UBN2: variants seen among roughly 807,000 people sequenced by gnomAD.
UBN2 encodes ubinuclein-2.
A neutral mutation model predicts 120.2 loss-of-function variants in UBN2; 35 were observed. The observed-to-expected ratio is 0.29, with a 90% CI of 0.22 to 0.39. The LOEUF (loss-of-function observed/expected upper bound fraction) is 0.39. Among genes scored for constraint, UBN2 ranks in the 10% least tolerant of loss-of-function variants. The pLI is 1.00. For synonymous variants in UBN2, 661 were observed against 648.7 expected, an observed-to-expected ratio of 1.02 and a Z score of -0.29; for missense variants, 1,693 against 1,663.2, an observed-to-expected ratio of 1.02 and a Z score of -0.31.
chr7:139,243,133 T>TA (rs1796368893), intron 2 of UBN2, among the ~76,000 whole-genome samples: 1 of 152,202 alleles, frequency 6.6e-6, no homozygotes, highest in African/African-American at 2.4e-5. Flanking sequence ...AGTTGAGTGT[T>TA]ACACTGTAAT....
chr7:139,259,268 T>A lies in UBN2; in HGVS notation c.803T>A (p.Val268Asp), dbSNP rs988302075. Residue 268 changes from valine to aspartate, a missense_variant and splice_region_variant, in exon 5 of 18, where the codon GTC becomes GAC. By Grantham distance (152) the Val-to-Asp change is radical (BLOSUM62 -3). Transcript: ENST00000473989. ...TDNQKHKPPK[V>D]PKIKEDDIEM... The stretch of plus-strand genomic sequence containing the variant: ...GATCATTCTTTTATCATTTTGCAGG[T>A]CCCCAAAATAAAAGAAGATGATATT... 7 of 1,612,030 alleles carry A rather than the reference T, an allele frequency of 4.3e-6. No homozygotes were observed. In the East Asian group the frequency reaches 1.6e-4, roughly 36 times the overall value.
the UBN2 span, among the ~76,000 whole-genome samples, chr7:139,324,205 T>A: frequency 6.6e-6 from 1 of 152,104 alleles, no homozygotes; most frequent in Admixed American, 6.6e-5. Context: ...TTGAAAAAAA[T>A]GGAGATCCTT....
At position 139,272,386 on chromosome 7, in the gene UBN2, A is replaced by G; in HGVS notation, c.1661A>G (p.Gln554Arg). 1 of 1,614,012 alleles carries G rather than the reference A, an allele frequency of 6.2e-7. No individual in the cohort carries two copies. Among genetic ancestry groups the G allele is most frequent in the Non-Finnish European group, 8.5e-7 (1 of 1,179,992 alleles). The change falls in exon 9 of 18, where the codon CAG (glutamine) becomes CGG (arginine). Residue 554 changes from glutamine to arginine, a missense_variant. Transcript: ENST00000473989. Reference sequence around the variant, plus strand: ...GCTGTTAGCAATGTCATGCCTGAACAGCTATTTAAATACCAGGAGGACTGC... The same window carrying G: ...GCTGTTAGCAATGTCATGCCTGAACGGCTATTTAAATACCAGGAGGACTGC... ...KLAVSNVMPEQLFKYQEDCQA... is the reference protein window; with the variant it reads ...KLAVSNVMPERLFKYQEDCQA...
At chr7:139,249,550 C>G (rs1796563541) in intron 2 of UBN2, among the ~76,000 whole-genome samples, 1 of 152,164 alleles carries the variant, frequency 6.6e-6, no homozygotes, top group African/African-American at 2.4e-5. Flanking sequence ...TAGAATCACA[C>G]TTTTCATTGA....
chr7:139,279,255 A>G (rs529876375), intron 12 of UBN2, 63 bp from the exon 13 acceptor site: 3 of 1,278,302 alleles, frequency 2.3e-6, no homozygotes, highest in Admixed American at 3.9e-5. Flanking sequence ...ACAAAGCTAT[A>G]TAACTTTCTA....
At position 139,298,903 on chromosome 7, in the gene UBN2, A is replaced by C. The variant is rs1480484900; in HGVS notation, c.*1067A>C. 1 of 152,180 alleles carries C rather than the reference A, an allele frequency of 6.6e-6. No homozygotes were observed. 9.4% of individuals were successfully genotyped at this position (152,180 alleles called of 1,614,324 possible). A position where few individuals can be genotyped will look rare whatever the true frequency, so the allele number is the denominator to read the frequency against. ...TTTCTTCATTGGTCATTCAAATGGC[A>C]TGAATATAGTTTTTGAATTTTTAAG... On this transcript the variant is annotated 3_prime_UTR_variant, in exon 18 of 18. Transcript: ENST00000473989.
intron 15 of UBN2, 120 bp from the exon 16 acceptor site, chr7:139,293,112 A>T: frequency 1.3e-6 from 1 of 791,852 alleles, no homozygotes; most frequent in Non-Finnish European, 2.0e-6. Flanking sequence ...AGCCTGTCTC[A>T]CAACGTTTCT....
At chr7:139,323,417 G>A in the UBN2 span, among the ~76,000 whole-genome samples, 5 of 152,128 alleles carry the variant, frequency 3.3e-5, no homozygotes, top group African/African-American at 1.2e-4. Flanking sequence ...TCAGGAGTGT[G>A]CTGCCCTGAG....
the UBN2 span, among the ~76,000 whole-genome samples, chr7:139,315,130 C>T: frequency 6.6e-6 from 1 of 151,914 alleles, no homozygotes; most frequent in Non-Finnish European, 1.5e-5. Flanking sequence ...TGCCCACCAC[C>T]ACGCCCGGCT....
chr7:139,312,094 A>G (rs1286274652), downstream of UBN2, among the ~76,000 whole-genome samples: 1 of 152,188 alleles, frequency 6.6e-6, no homozygotes, highest in Non-Finnish European at 1.5e-5. Flanking sequence ...GCCTTGATTC[A>G]TAGCACATTG....
intron 9 of UBN2, 50 bp from the exon 10 acceptor site, chr7:139,273,244 TATA>T: frequency 8.4e-7 from 1 of 1,195,488 alleles, no homozygotes. Flanking sequence ...GAGCATATTA[TATA>T]GGCAGTGTTG....
Position 139,284,546 on chromosome 7 carries a change from G to A in UBN2, c.3641G>A (p.Gly1214Glu). Reference sequence around the variant, plus strand: ...CCACATAGACCATCCACTGCCTCAGGGTCTTCAGTGGTAACAGCCAGTGTG... The same window carrying A: ...CCACATAGACCATCCACTGCCTCAGAGTCTTCAGTGGTAACAGCCAGTGTG... ...STPHRPSTAS[G>E]SSVVTASVQS... The change falls in exon 15 of 18, where the codon GGG becomes GAG. Residue 1214 changes from glycine to glutamate, a missense_variant. Gly to Glu is a moderately conservative substitution (Grantham distance 98). Coordinates refer to ENST00000473989, the MANE Select transcript of UBN2 (RefSeq NM_173569.4). 2 of 1,612,310 alleles carry A rather than the reference G, an allele frequency of 1.2e-6. No homozygotes were observed. Among genetic ancestry groups the A allele is most frequent in the Non-Finnish European group, 1.7e-6 (2 of 1,179,430 alleles).
chr7:139,248,453 T>G (rs577917458), intron 2 of UBN2, among the ~76,000 whole-genome samples: 5 of 152,278 alleles, frequency 3.3e-5, no homozygotes, highest in Admixed American at 2.6e-4. Flanking sequence ...AAAATTTGAA[T>G]TTTCAAATTC....
chr7:139,245,280 A>T (rs1357993206), intron 2 of UBN2, among the ~76,000 whole-genome samples: 1 of 152,080 alleles, frequency 6.6e-6, no homozygotes, highest in Non-Finnish European at 1.5e-5. Flanking sequence ...TTGAATGGAT[A>T]TGTGATAGTT....
At chr7:139,314,215 G>A in the UBN2 span, among the ~76,000 whole-genome samples, 1 of 150,692 alleles carries the variant, frequency 6.6e-6, no homozygotes, top group Non-Finnish European at 1.5e-5. Context: ...CCAGCACTTT[G>A]GGAGGCCAAG....
the UBN2 span, among the ~76,000 whole-genome samples, chr7:139,319,721 C>T: frequency 6.6e-6 from 1 of 152,206 alleles, no homozygotes; most frequent in Non-Finnish European, 1.5e-5. Flanking sequence ...ATTCTGGTCT[C>T]CTTTACTTCC....
chr7:139,297,453 T>G (rs1237622714), intron 17 of UBN2, among the ~76,000 whole-genome samples: 1 of 151,984 alleles, frequency 6.6e-6, no homozygotes, highest in Non-Finnish European at 1.5e-5. Context: ...CCCTCGGAGG[T>G]AGGAATTGTG....
chr7:139,287,566 A>G (rs1797825973), intron 15 of UBN2, among the ~76,000 whole-genome samples: 1 of 152,298 alleles, frequency 6.6e-6, no homozygotes, highest in Middle Eastern at 3.4e-3. Context: ...GCTACTTGGC[A>G]AAGTATGAGT....
chr7:139,289,950 G>T (rs368711157), intron 15 of UBN2, among the ~76,000 whole-genome samples: 1 of 149,898 alleles, frequency 6.7e-6, no homozygotes, highest in African/African-American at 2.4e-5. Context: ...CTAGAGTGCA[G>T]TGGCACAATC....
Sources: allele counts gnomAD v4.1 joint callset (sites outside exome capture counted in the v4.1 genomes callset), GRCh38; gene constraint gnomAD v4.1.1; transcripts MANE v1.5; gene names NCBI Gene and HGNC (gene_info 2026-07-23, HGNC 2026-07-21).